PPARGC1A: variants seen among roughly 807,000 people sequenced by gnomAD.
PPARGC1A encodes peroxisome proliferator-activated receptor gamma coactivator 1-alpha.
In PPARGC1A, 25 loss-of-function variants were observed where a neutral mutation model predicts 88.7. The ratio of observed to expected loss-of-function variants is 0.28; its 90% confidence interval spans 0.21 to 0.39. The LOEUF is 0.39. Ranked by LOEUF, PPARGC1A falls within the 10% of genes least tolerant of loss-of-function variation. The probability of loss-of-function intolerance (pLI) is 1.00; values close to 1 mark genes in which losing one functional copy is unlikely to be tolerated. For missense variants in PPARGC1A, 880 were observed against 968.7 expected (o/e 0.91, Z 1.22); for synonymous variants, 363 against 355.6 (o/e 1.02, Z -0.24).
At chr4:24,087,990 A>G in the PPARGC1A span, among the ~76,000 whole-genome samples, 1 of 152,208 alleles carries the variant, frequency 6.6e-6, no homozygotes, top group Non-Finnish European at 1.5e-5. Flanking sequence ...GTTTTCAAAG[A>G]GCAATCCCAT....
the PPARGC1A span, among the ~76,000 whole-genome samples, chr4:23,922,065 C>T: frequency 1.3e-5 from 2 of 152,218 alleles, no homozygotes; most frequent in East Asian, 3.9e-4. Flanking sequence ...AGAAAAAATG[C>T]CCAGATAATC....
At chr4:23,848,195 CCT>C (rs1728652952) in intron 2 of PPARGC1A, among the ~76,000 whole-genome samples, 1 of 152,158 alleles carries the variant, frequency 6.6e-6, no homozygotes. Context: ...AATATTCATG[CCT>C]CTCAGATAAA....
the PPARGC1A span, among the ~76,000 whole-genome samples, chr4:24,226,061 C>T: frequency 6.6e-6 from 1 of 152,166 alleles, no homozygotes; most frequent in African/African-American, 2.4e-5. Flanking sequence ...CACGCGCTCA[C>T]ATTGTCAGGT....
At chr4:23,947,624 A>G in the PPARGC1A span, among the ~76,000 whole-genome samples, 4 of 151,908 alleles carry the variant, frequency 2.6e-5, no homozygotes, top group Non-Finnish European at 5.9e-5. Flanking sequence ...CAGAAAACCA[A>G]TAGCCACTAA....
chr4:23,967,607 T>C, the PPARGC1A span, among the ~76,000 whole-genome samples: 1 of 152,208 alleles, frequency 6.6e-6, no homozygotes, highest in African/African-American at 2.4e-5. Flanking sequence ...ACAGGAATTC[T>C]TTCCTAAAGA....
chr4:23,805,118 G>C lies in PPARGC1A; in HGVS notation c.2020-2773C>G, dbSNP rs999297772. Among the ~76,000 whole-genome samples, 3 of 143,028 alleles carry C rather than the reference G, an allele frequency of 2.1e-5. No homozygotes were observed. The Admixed American group carries it at 2.2e-4, about 11-fold the overall frequency. The allele number at this position is 143,028 out of a possible 152,430, so 93.8% of individuals were successfully genotyped here. ...CAGTTACTAATCAATTAATCATCTT[G>C]AACACTTATCCCATTCCCTTCATTA... On this transcript the variant is annotated intron_variant, in intron 10 of 12. Coordinates refer to ENST00000264867, the MANE Select transcript of PPARGC1A (RefSeq NM_013261.5).
At chr4:24,199,495 T>G in the PPARGC1A span, among the ~76,000 whole-genome samples, 1 of 151,952 alleles carries the variant, frequency 6.6e-6, no homozygotes, top group African/African-American at 2.4e-5. Context: ...CAGAGGACAT[T>G]TTAATTGAGA....
chr4:24,120,323 G>A, the PPARGC1A span, among the ~76,000 whole-genome samples: 1 of 152,166 alleles, frequency 6.6e-6, no homozygotes. Flanking sequence ...TGACAGGGAT[G>A]TGGCTAGAGA....
chr4:23,950,366 A>ATTTT, the PPARGC1A span, among the ~76,000 whole-genome samples: 3 of 152,110 alleles, frequency 2.0e-5, no homozygotes, highest in African/African-American at 7.2e-5. Flanking sequence ...ATTGACAAAA[A>ATTTT]GGTACATCAT....
chr4:23,957,100 C>T, the PPARGC1A span, among the ~76,000 whole-genome samples: 3 of 152,090 alleles, frequency 2.0e-5, no homozygotes, highest in African/African-American at 7.2e-5. Flanking sequence ...ACATGCTAAT[C>T]ACAGCGAAGT....
At chr4:24,272,345 G>A in the PPARGC1A span, among the ~76,000 whole-genome samples, 3 of 151,996 alleles carry the variant, frequency 2.0e-5, 1 homozygote, top group East Asian at 5.8e-4. Context: ...TATGGATCCA[G>A]GATACACCCC....
At chr4:24,092,445 AT>A in the PPARGC1A span, among the ~76,000 whole-genome samples, 3 of 152,204 alleles carry the variant, frequency 2.0e-5, no homozygotes, top group South Asian at 4.2e-4. Context: ...GACATTGGGA[AT>A]TTTTTTAATG....
chr4:24,078,684 T>C, the PPARGC1A span, among the ~76,000 whole-genome samples: 1 of 152,248 alleles, frequency 6.6e-6, no homozygotes, highest in South Asian at 2.1e-4. Context: ...TGCTTTTTGT[T>C]GATTCCTTCA....
the PPARGC1A span, among the ~76,000 whole-genome samples, chr4:24,020,365 C>G: frequency 6.6e-6 from 1 of 152,080 alleles, no homozygotes; most frequent in South Asian, 2.1e-4. Flanking sequence ...GGATTTTTCC[C>G]CTTGCTTTTT....
At chr4:23,809,048 T>C (rs1238692919) in intron 10 of PPARGC1A, among the ~76,000 whole-genome samples, 2 of 152,150 alleles carry the variant, frequency 1.3e-5, no homozygotes, top group African/African-American at 4.8e-5. Context: ...CCCCAAGATA[T>C]CTTAAATGTA....
chr4:24,260,792 AT>A, the PPARGC1A span, among the ~76,000 whole-genome samples: 151,736 of 152,144 alleles, frequency 1, 75,666 homozygotes, highest in Middle Eastern at 1. Flanking sequence ...CATTAATGGT[AT>A]TATATTGAAT....
At chr4:24,110,513 A>G in the PPARGC1A span, among the ~76,000 whole-genome samples, 1 of 152,200 alleles carries the variant, frequency 6.6e-6, no homozygotes, top group Non-Finnish European at 1.5e-5. Context: ...AATGATCAAC[A>G]GGAAAATAAT....
intron 2 of PPARGC1A, among the ~76,000 whole-genome samples, chr4:23,878,883 A>G (rs1349977133): frequency 6.6e-6 from 1 of 152,228 alleles, no homozygotes; most frequent in Non-Finnish European, 1.5e-5. Context: ...AAAATACTCC[A>G]TAAGTCTCCA....
chr4:24,021,508 T>C, the PPARGC1A span, among the ~76,000 whole-genome samples: 1 of 151,918 alleles, frequency 6.6e-6, no homozygotes, highest in Non-Finnish European at 1.5e-5. Flanking sequence ...GTACATATTA[T>C]CTAGTGGGGT....
Sources: allele counts gnomAD v4.1 joint callset (sites outside exome capture counted in the v4.1 genomes callset), GRCh38; gene constraint gnomAD v4.1.1; transcripts MANE v1.5; gene names NCBI Gene and HGNC (gene_info 2026-07-23, HGNC 2026-07-21).